The following GRIP1 variants were observed in gnomAD, a reference collection of about 807,000 sequenced individuals.
GRIP1 encodes the protein glutamate receptor-interacting protein 1.
Under a neutral mutation model 129.9 loss-of-function variants are expected in GRIP1, and 45 were observed. The observed-to-expected ratio is 0.35, with a 90% CI of 0.27 to 0.44. The LOEUF (loss-of-function observed/expected upper bound fraction) is 0.44. Ranked by LOEUF, GRIP1 falls within the 20% of genes least tolerant of loss-of-function variation. The pLI, the probability that GRIP1 is intolerant of heterozygous loss-of-function variation, is 1.00. For synonymous variants in GRIP1, 530 were observed against 520.8 expected (o/e 1.02, Z -0.24); for missense variants, 1,196 against 1,396.8 (o/e 0.86, Z 2.29).
chr12:66,842,350 T>A (rs374079292), intron 1 of GRIP1, among the ~76,000 whole-genome samples: 1 of 152,098 alleles, frequency 6.6e-6, no homozygotes, highest in Non-Finnish European at 1.5e-5. Context: ...GAAGGATATA[T>A]CATGATTTGG....
intron 1 of GRIP1, among the ~76,000 whole-genome samples, chr12:67,064,009 A>G (rs1953941607): frequency 6.6e-6 from 1 of 152,216 alleles, no homozygotes. Context: ...CATGGCAAAT[A>G]CGCTTTGAAA....
At chr12:66,777,491 T>C (rs2038019472) in intron 1 of GRIP1, among the ~76,000 whole-genome samples, 1 of 152,194 alleles carries the variant, frequency 6.6e-6, no homozygotes, top group South Asian at 2.1e-4. Flanking sequence ...TTATTCACAG[T>C]ACCTATGACT....
intron 1 of GRIP1, among the ~76,000 whole-genome samples, chr12:66,862,459 T>A (rs1197647608): frequency 6.6e-6 from 1 of 152,098 alleles, no homozygotes; most frequent in Non-Finnish European, 1.5e-5. Context: ...ATTAATTATG[T>A]AAGCTCTCTG....
chr12:66,747,128 G>A (rs1461562626), intron 1 of GRIP1, among the ~76,000 whole-genome samples: 1 of 152,022 alleles, frequency 6.6e-6, no homozygotes. Context: ...TATTTAGTTG[G>A]ATGTAGAAAA....
At chr12:66,727,972 T>C (rs1440882174) in intron 1 of GRIP1, among the ~76,000 whole-genome samples, 2 of 152,214 alleles carry the variant, frequency 1.3e-5, no homozygotes, top group Non-Finnish European at 2.9e-5. Context: ...TCCTTGATGA[T>C]GTTCATCTTG....
intron 23 of GRIP1, among the ~76,000 whole-genome samples, chr12:66,363,411 T>C (rs1190159551): frequency 6.7e-6 from 1 of 149,396 alleles, no homozygotes; most frequent in Non-Finnish European, 1.5e-5. Context: ...TGGCTTTTTT[T>C]TTTTTTTTAA....
chr12:66,748,145 A>G (rs776416827), intron 1 of GRIP1, among the ~76,000 whole-genome samples: 8 of 151,938 alleles, frequency 5.3e-5, no homozygotes, highest in Non-Finnish European at 1.0e-4. Context: ...CAGCCTCCCA[A>G]GTATCTGGGA....
At chr12:67,041,257 T>C (rs902592550) in intron 1 of GRIP1, among the ~76,000 whole-genome samples, 1 of 152,168 alleles carries the variant, frequency 6.6e-6, no homozygotes, top group African/African-American at 2.4e-5. Context: ...TATGCATATA[T>C]ACATGTGTAT....
In GRIP1 at chr12:66,392,470, T is replaced by C. The variant is rs770487416; in HGVS notation, c.2302A>G (p.Ile768Val). Residue 768 changes from isoleucine to valine, a missense_variant, in exon 19 of 25, where the codon ATT (isoleucine) becomes GTT (valine). Around this residue, in one of 5 missense-constraint regions of GRIP1, gnomAD observed 427 missense variants for 463.3 expected, o/e 0.92. Coordinates refer to ENST00000359742, the MANE Select transcript of GRIP1 (RefSeq NM_001366722.1). ...CCCAGGTCACTCAAATGGCTAGAAA[T>C]AGGGAACTTCTTGGGGCTCGATGCT... ...QSASSPKKFP[I>V]SSHLSDLGDV... is the part of the protein sequence containing the mutation. 1.2e-6 allele frequency: 2 copies of C among 1,614,090 alleles called. No individual in the cohort carries two copies. The highest frequency in any genetic ancestry group is 1.7e-5 in the Admixed American group (1 of 60,020).
rs2043581984 is a variant in GRIP1 at position 67,064,119 on chromosome 12, T to C, written c.58+4931A>G. On this transcript the variant is annotated intron_variant, in intron 1 of 1. Transcript: ENST00000643019. ...AGTCAAATAATTCAACTTAAAAATA[T>C]GTTGAGGTTCCAATCCTTATTGTTA... Among the ~76,000 whole-genome samples the C allele has an allele frequency of 2.0e-5, 3 of 152,344 alleles. No individual in the cohort carries two copies. The South Asian group carries it at 6.2e-4, about 32-fold the overall frequency.
intron 1 of GRIP1, among the ~76,000 whole-genome samples, chr12:66,840,557 G>A (rs1034264679): frequency 2.6e-5 from 4 of 152,160 alleles, no homozygotes; most frequent in Non-Finnish European, 5.9e-5. Flanking sequence ...TAGCTGATTG[G>A]TTGACATTTT....
At chr12:66,599,269 A>C (rs1447207413) in intron 1 of GRIP1, among the ~76,000 whole-genome samples, 1 of 152,186 alleles carries the variant, frequency 6.6e-6, no homozygotes, top group Non-Finnish European at 1.5e-5. Context: ...GTTCAGTGTT[A>C]TCTAATGTTG....
chr12:66,369,729 T>A (rs915930387), intron 23 of GRIP1, among the ~76,000 whole-genome samples: 3 of 152,136 alleles, frequency 2.0e-5, no homozygotes, highest in African/African-American at 7.2e-5. Flanking sequence ...AAGGCAGTGT[T>A]CACAGGTACC....
At chr12:66,429,994 A>T (rs1352215565) in intron 14 of GRIP1, among the ~76,000 whole-genome samples, 4 of 152,192 alleles carry the variant, frequency 2.6e-5, no homozygotes, top group Non-Finnish European at 5.9e-5. Context: ...TCTATGCATC[A>T]GCCTTTGCAC....
chr12:66,679,444 C>CAAAAAAAAA (rs10691128), upstream of GRIP1, among the ~76,000 whole-genome samples: 3 of 117,440 alleles, frequency 2.6e-5, no homozygotes, highest in African/African-American at 6.5e-5. Flanking sequence ...AAACAACAAC[C>CAAAAAAAAA]AAAAAAAAAA....
upstream of GRIP1, among the ~76,000 whole-genome samples, chr12:66,683,501 A>T (rs575189699): frequency 6.6e-6 from 1 of 152,326 alleles, no homozygotes; most frequent in South Asian, 2.1e-4. Context: ...TTTTAAAGCA[A>T]ATATTTTATG....
intron 1 of GRIP1, among the ~76,000 whole-genome samples, chr12:66,616,871 G>A (rs1374947614): frequency 6.6e-6 from 1 of 152,082 alleles, no homozygotes; most frequent in East Asian, 1.9e-4. Flanking sequence ...AGGACCACCT[G>A]CTGTGACCAC....
chr12:67,066,928 T>G (rs2043640472), intron 1 of GRIP1, among the ~76,000 whole-genome samples: 1 of 109,620 alleles, frequency 9.1e-6, no homozygotes, highest in African/African-American at 3.2e-5. Context: ...ACACACAAAC[T>G]GAAACACAAA....
chr12:66,623,184 CA>C (rs1304303906), intron 1 of GRIP1, among the ~76,000 whole-genome samples: 2 of 152,118 alleles, frequency 1.3e-5, no homozygotes, highest in East Asian at 1.9e-4. Context: ...CATGGAGAGG[CA>C]TAACATTTAG....
Sources: allele counts gnomAD v4.1 joint callset (sites outside exome capture counted in the v4.1 genomes callset), GRCh38; gene constraint gnomAD v4.1.1; regional missense constraint gnomAD v4.1.1; transcripts MANE v1.5; gene names NCBI Gene and HGNC (gene_info 2026-07-23, HGNC 2026-07-21).